The following ULK1 variants were observed in gnomAD, a reference collection of about 807,000 sequenced individuals.
ULK1 encodes the protein unc-51 like autophagy activating kinase 1.
In ULK1, 48 loss-of-function variants were observed where a neutral mutation model predicts 117.5. The observed-to-expected ratio is 0.41, with a 90% CI of 0.32 to 0.52. The LOEUF is 0.52. ULK1 is among the 20% of genes least tolerant of loss of function. ULK1 has a pLI of 0.29. For synonymous variants in ULK1, 790 were observed against 637.8 expected (o/e 1.24, Z -3.60); for missense variants, 1,387 against 1,473.4 (o/e 0.94, Z 0.96).
Position 131,916,465 on chromosome 12 carries a change from AG to A in ULK1, c.1949del (p.Gly650AlafsTer3). 6.2e-7 allele frequency: 1 copy of A among 1,611,632 alleles called. No individual in the cohort carries two copies. The highest frequency in any genetic ancestry group is 8.5e-7 in the Non-Finnish European group (1 of 1,179,460). On this transcript the variant is annotated frameshift_variant, in exon 20 of 28. Transcript: ENST00000321867. LOFTEE classifies it high-confidence loss of function. ...SQNLLALLARQGVVMTPPRNR... is the reference protein window; with the variant it reads ...SQNLLALLARXGVVMTPPRNR... The stretch of plus-strand genomic sequence containing the variant: ...AACCTGCTGGCCCTCCTAGCCCGGC[AG>A]GGCGTGGTGATGACGCCCCCTCGAA...
In ULK1 at chr12:131,895,875, C is replaced by T. The variant is rs950599530; in HGVS notation, c.246+51C>T. The stretch of plus-strand genomic sequence containing the variant: ...TGGGGACCGGGCTGGGGGACTGTGG[C>T]CCCAGGTGCTGGATCCCCTGGTGAG... On this transcript the variant is annotated intron_variant, in intron 3 of 27. Coordinates refer to ENST00000321867, the MANE Select transcript of ULK1 (RefSeq NM_003565.4). 3.1e-6 allele frequency: 5 copies of T among 1,609,394 alleles called. No individual in the cohort carries two copies. The African/African-American group carries it at 6.7e-5, about 22-fold the overall frequency.
At chr12:131,918,010 G>A (rs1889940773) in intron 22 of ULK1, among the ~76,000 whole-genome samples, 1 of 152,180 alleles carries the variant, frequency 6.6e-6, no homozygotes, top group Admixed American at 6.5e-5. Context: ...GGTTCTGCCT[G>A]GGGAGGGGTG....
Position 131,922,137 on chromosome 12 carries a change from T to G in ULK1, c.*776T>G, listed in dbSNP as rs961945099. 2.6e-6 allele frequency: 1 copy of G among 389,646 alleles called. No homozygotes were observed. The highest frequency in any genetic ancestry group is 2.1e-5 in the African/African-American group (1 of 47,458). 24.1% of individuals were successfully genotyped at this position (389,646 alleles called of 1,614,324 possible). ...ATACGTCTTGTAATCTTTCACACTT[T>G]ATTCCTAAAACGTGTCTTATTTTTA... On this transcript the variant is annotated 3_prime_UTR_variant, in exon 28 of 28. Transcript: ENST00000321867.
chr12:131,895,725 G>T, intron 2 of ULK1, 32 bp downstream of exon 2: 1 of 1,613,476 alleles, frequency 6.2e-7, no homozygotes, highest in Non-Finnish European at 8.5e-7. Context: ...GGGCGTGGGC[G>T]TGGGCGTGGG....
In ULK1 at chr12:131,917,497, G is replaced by A. The variant is rs1889909010; in HGVS notation, c.2269G>A (p.Gly757Ser). The A allele has an allele frequency of 1.3e-6, 2 of 1,491,568 alleles. No homozygotes were observed. The highest frequency in any genetic ancestry group is 1.8e-6 in the Non-Finnish European group (2 of 1,119,014). The allele number at this position is 1,491,568 out of a possible 1,614,324, so 92.4% of individuals were successfully genotyped here. A position where few individuals can be genotyped will look rare whatever the true frequency, so the allele number is the denominator to read the frequency against. Reference sequence around the variant, plus strand: ...CCCTTCCCCGGTGGTCTTCACCGTGGGCTCTCCCCCGAGCGGGAGCACGCC... The same window carrying A: ...CCCTTCCCCGGTGGTCTTCACCGTGAGCTCTCCCCCGAGCGGGAGCACGCC... ...SSPSPVVFTVGSPPSGSTPPQ... is the reference protein window; with the variant it reads ...SSPSPVVFTVSSPPSGSTPPQ... The change falls in exon 22 of 28, where the codon GGC becomes AGC. Residue 757 changes from glycine (G) to serine (S), a missense_variant. Transcript: ENST00000321867.
At chr12:131,911,501 G>C (rs934265273) in intron 12 of ULK1, among the ~76,000 whole-genome samples, 1 of 152,234 alleles carries the variant, frequency 6.6e-6, no homozygotes, top group Non-Finnish European at 1.5e-5. Flanking sequence ...CGGATGGTGT[G>C]CCCTGGGCCT....
At position 131,916,476 on chromosome 12, in the gene ULK1, A is replaced by G. The variant is rs1316025923; in HGVS notation, c.1957A>G (p.Met653Val). Residue 653 changes from methionine (M) to valine (V), a missense_variant, in exon 20 of 28, where the codon ATG becomes GTG. Around this residue, in one of 4 missense-constraint regions of ULK1, gnomAD observed 900 missense variants for 858.9 expected, o/e 1.05. Transcript: ENST00000321867. ...LALLARQGVV[M>V]TPPRNRTLPD... ...CCTCCTAGCCCGGCAGGGCGTGGTG[A>G]TGACGCCCCCTCGAAACCGGACGCT... 1.2e-6 allele frequency: 2 copies of G among 1,611,918 alleles called. No homozygotes were observed. The highest frequency in any genetic ancestry group is 1.7e-6 in the Non-Finnish European group (2 of 1,179,622).
Position 131,918,606 on chromosome 12 carries a change from C to T in ULK1, c.2436C>T (p.Ala812=), listed in dbSNP as rs560600058. ...LPAPGHGCSF[A]DPITANLEGA... The stretch of plus-strand genomic sequence containing the variant: ...CTCCAGGACACGGCTGCAGCTTTGC[C>T]GACCCCATTACTGCGAACCTGGAGG... The change falls in exon 23 of 28, where the codon GCC becomes GCT. Residue 812 remains alanine (A), a synonymous_variant. Coordinates refer to ENST00000321867, the MANE Select transcript of ULK1 (RefSeq NM_003565.4). 1.4e-4 allele frequency: 227 copies of T among 1,610,576 alleles called. No homozygotes were observed. The highest frequency in any genetic ancestry group is 3.3e-4 in the Middle Eastern group (2 of 6,068).
Position 131,919,262 on chromosome 12 carries a change from G to A in ULK1, c.2562G>A (p.Val854=), listed in dbSNP as rs2136413229. 1 of 1,598,692 alleles carries A rather than the reference G, an allele frequency of 6.3e-7. No individual in the cohort carries two copies. The stretch of plus-strand genomic sequence containing the variant: ...GCCTGCGCTTCACGCTGCTGTTCGT[G>A]CAGCACGTCCTGGAGATCGCAGCCC... ...LRGLRFTLLF[V]QHVLEIAALK... The change falls in exon 24 of 28, where the codon GTG becomes GTA. Residue 854 remains valine (V), a synonymous_variant. Coordinates refer to ENST00000321867, the MANE Select transcript of ULK1 (RefSeq NM_003565.4).
chr12:131,913,767 C>A lies in ULK1; in HGVS notation c.1178C>A (p.Ala393Glu). Residue 393 changes from alanine to glutamate, a missense_variant, in exon 15 of 28, where the codon GCG becomes GAG. By Grantham distance (107) the Ala-to-Glu change is moderately radical. Transcript: ENST00000321867. ...MCSGSSLVAS[A>E]GLESHGRTPS... ...CACAGGAGCTCACTGGTGGCCTCTG[C>A]GGGCTTGGAGAGCCACGGCCGGACC... 1 of 1,567,266 alleles carries A rather than the reference C, an allele frequency of 6.4e-7. No individual in the cohort carries two copies. The highest frequency in any genetic ancestry group is 8.6e-7 in the Non-Finnish European group (1 of 1,156,580).
intron 12 of ULK1, among the ~76,000 whole-genome samples, chr12:131,911,386 C>T (rs1203268855): frequency 3.9e-5 from 6 of 152,206 alleles, no homozygotes; most frequent in South Asian, 4.1e-4. Context: ...GTATCATGGC[C>T]GAAAGCTCAG....
chr12:131,902,200 G>A lies in ULK1; in HGVS notation c.247-4692G>A, dbSNP rs566946518. Among the ~76,000 whole-genome samples, 3 of 152,172 alleles carry A rather than the reference G, an allele frequency of 2.0e-5. No individual in the cohort carries two copies. The highest frequency in any genetic ancestry group is 4.8e-5 in the African/African-American group (2 of 41,430). On this transcript the variant is annotated intron_variant, in intron 3 of 27. Transcript: ENST00000321867. The surrounding 1 kb of genome is among the most constrained non-coding windows in gnomAD (Gnocchi z 6.3). Reference sequence around the variant, plus strand: ...CTTTTGGGAGCTGTCCAGGAGCCCCGCCTGGGGGTGCAGAGTGGTTCTGTC... The same window carrying A: ...CTTTTGGGAGCTGTCCAGGAGCCCCACCTGGGGGTGCAGAGTGGTTCTGTC...
chr12:131,916,891 C>T, intron 20 of ULK1, 62 bp from the exon 21 acceptor site: 4 of 1,466,788 alleles, frequency 2.7e-6, no homozygotes, highest in Non-Finnish European at 3.7e-6. Context: ...AGAGGGACCT[C>T]TCGAGGTCCA....
At chr12:131,909,075 C>T in intron 7 of ULK1, 61 bp from the exon 8 acceptor site, 2 of 1,604,662 alleles carry the variant, frequency 1.2e-6, no homozygotes, top group Non-Finnish European at 1.7e-6. Flanking sequence ...TGTGGCCTGG[C>T]GGGCACCTTC....
At chr12:131,910,932 C>T (rs1889507496) in intron 12 of ULK1, 132 bp downstream of exon 12, 3 of 1,462,972 alleles carry the variant, frequency 2.1e-6, no homozygotes, top group Non-Finnish European at 2.7e-6. Context: ...TGGATGAGTT[C>T]ATTCTGTCAG....
Position 131,895,118 on chromosome 12 carries a change from GC to G in ULK1, c.111+11del. 6.5e-7 allele frequency: 1 copy of G among 1,526,754 alleles called. No homozygotes were observed. The allele number at this position is 1,526,754 out of a possible 1,614,324, so 94.6% of individuals were successfully genotyped here. On this transcript the variant is annotated splice_region_variant and intron_variant, in intron 1 of 27. Transcript: ENST00000321867. Reference sequence around the variant, plus strand: ...TCAAGGGCCGCCACCGCGAGGTGAGGCCCCCGTCCGGCCCGGGATCCCCCGC... The same window carrying G: ...TCAAGGGCCGCCACCGCGAGGTGAGGCCCCGTCCGGCCCGGGATCCCCCGC...
chr12:131,919,278 A>G lies in ULK1; in HGVS notation c.2578A>G (p.Ile860Val), dbSNP rs373053687. The change falls in exon 24 of 28, where the codon ATC becomes GTC. Residue 860 changes from isoleucine (I) to valine (V), a missense_variant. This residue lies in a region of ULK1 where 900 missense variants were observed against 858.9 expected (regional missense o/e 1.05). Coordinates refer to ENST00000321867, the MANE Select transcript of ULK1 (RefSeq NM_003565.4). Reference sequence around the variant, plus strand: ...GCTGTTCGTGCAGCACGTCCTGGAGATCGCAGCCCTGAAGGGCAGCGCCAG... The same window carrying G: ...GCTGTTCGTGCAGCACGTCCTGGAGGTCGCAGCCCTGAAGGGCAGCGCCAG... ...TLLFVQHVLE[I>V]AALKGSASEA... The G allele has an allele frequency of 3.8e-6, 6 of 1,598,864 alleles. No individual in the cohort carries two copies. Among genetic ancestry groups the G allele is most frequent in the Non-Finnish European group, 5.1e-6 (6 of 1,176,730 alleles).
intron 11 of ULK1, 95 bp downstream of exon 11, chr12:131,910,399 G>C: frequency 1.3e-6 from 2 of 1,558,388 alleles, no homozygotes; most frequent in Non-Finnish European, 1.8e-6. Flanking sequence ...GGCAGAGGGA[G>C]CAGGTCTTGA....
At position 131,908,773 on chromosome 12, in the gene ULK1, C is replaced by G; in HGVS notation, c.446C>G (p.Pro149Arg). The G allele has an allele frequency of 6.2e-7, 1 of 1,607,416 alleles. No individual in the cohort carries two copies. Among genetic ancestry groups the G allele is most frequent in the Non-Finnish European group, 8.5e-7 (1 of 1,177,886 alleles). ...CCGCAGAACATCCTGCTGTCCAACCCCGCCGGCCGCCGCGCCAACCCCAAC... is the reference window on the plus strand; with the variant it reads ...CCGCAGAACATCCTGCTGTCCAACCGCGCCGGCCGCCGCGCCAACCCCAAC... ...LKPQNILLSN[P>R]AGRRANPNSI... The change falls in exon 6 of 28, where the codon CCC (proline) becomes CGC (arginine). Residue 149 changes from proline to arginine, a missense_variant. This residue lies in a region of ULK1 where 224 missense variants were observed against 325.2 expected (regional missense o/e 0.69). Coordinates refer to ENST00000321867, the MANE Select transcript of ULK1 (RefSeq NM_003565.4).
Sources: gnomAD v4.1 joint callset for allele counts (sites outside exome capture counted in the v4.1 genomes callset) on GRCh38, gnomAD v4.1.1 for gene constraint, gnomAD v4.1.1 regional missense constraint, Gnocchi (gnomAD v3.1) non-coding constraint, MANE v1.5 for transcripts, NCBI Gene and HGNC (gene_info 2026-07-23, HGNC 2026-07-21) for gene names.